The following AKAP13 variants were observed in gnomAD, a reference collection of about 807,000 sequenced individuals.
AKAP13 encodes A-kinase anchor protein 13.
In AKAP13, 80 loss-of-function variants were observed where a neutral mutation model predicts 264.5. The ratio of observed to expected loss-of-function variants is 0.30; its 90% confidence interval spans 0.25 to 0.36. The LOEUF (loss-of-function observed/expected upper bound fraction) is 0.36. Ranked by LOEUF, AKAP13 falls within the 10% of genes least tolerant of loss-of-function variation. AKAP13 has a pLI of 1.00. For synonymous variants in AKAP13, 1,380 were observed against 1,250.2 expected, an observed-to-expected ratio of 1.10 and a Z score of -2.19; for missense variants, 3,712 against 3,435.2, an observed-to-expected ratio of 1.08 and a Z score of -2.01.
rs903274049 is a variant in AKAP13 at position 85,748,605 on chromosome 15, C to T, written c.*3928C>T. 3 of 152,188 alleles carry T rather than the reference C, an allele frequency of 2.0e-5. No homozygotes were observed. Among genetic ancestry groups the T allele is most frequent in the Non-Finnish European group, 4.4e-5 (3 of 68,036 alleles). The allele number at this position is 152,188 out of a possible 1,614,324, so 9.4% of individuals were successfully genotyped here. A position where few individuals can be genotyped will look rare whatever the true frequency, so the allele number is the denominator to read the frequency against. On this transcript the variant is annotated 3_prime_UTR_variant, in exon 37 of 37. Coordinates refer to ENST00000394518, the MANE Select transcript of AKAP13 (RefSeq NM_007200.5). ...GCCTTGGAATCTACTGCCTGCTGGC[C>T]AGGCTTTAAAATGAAAAGTGTTTTA...
chr15:85,600,205 G>A (rs1551970), intron 8 of AKAP13, among the ~76,000 whole-genome samples: 92,696 of 151,682 alleles, frequency 0.61, 28,478 homozygotes, highest in Middle Eastern at 0.73. Context: ...GCCATGATAT[G>A]GCAACAGCTG....
Position 85,727,348 on chromosome 15 carries a change from AT to A in AKAP13, c.7005-27del, listed in dbSNP as rs781220089. The A allele has an allele frequency of 6.2e-7, 1 of 1,613,968 alleles. No homozygotes were observed. The highest frequency in any genetic ancestry group is 1.7e-5 in the Admixed American group (1 of 60,012). On this transcript the variant is annotated intron_variant, in intron 28 of 36. Coordinates refer to ENST00000394518, the MANE Select transcript of AKAP13 (RefSeq NM_007200.5). This position sits in a 1 kb window ranked among gnomAD's most constrained non-coding sequence, Gnocchi z 5.3. ...GACCAGAGTAATTGACATCTTAGGA[AT>A]TTTTTGTTCTGTCTTGTTTGGGTTG...
At chr15:85,618,568 C>G (rs1291347563) in intron 8 of AKAP13, among the ~76,000 whole-genome samples, 4 of 151,912 alleles carry the variant, frequency 2.6e-5, no homozygotes, top group Admixed American at 2.6e-4. Context: ...AAGAGAATGT[C>G]TCAGGTGAGA....
intron 11 of AKAP13, among the ~76,000 whole-genome samples, chr15:85,657,633 T>C (rs952708449): frequency 6.6e-6 from 1 of 152,110 alleles, no homozygotes; most frequent in African/African-American, 2.4e-5. Context: ...ATGCTTTTTC[T>C]GCTAGCTTGT....
chr15:85,537,822 T>C (rs191112667), intron 4 of AKAP13, among the ~76,000 whole-genome samples: 1 of 152,366 alleles, frequency 6.6e-6, no homozygotes, highest in East Asian at 1.9e-4. Context: ...TCATTTTGAA[T>C]GTACCATTTG....
chr15:85,483,223 T>C (rs1216396849), intron 1 of AKAP13, among the ~76,000 whole-genome samples: 3 of 152,210 alleles, frequency 2.0e-5, no homozygotes, highest in Non-Finnish European at 4.4e-5. Context: ...GCTAAGTCAC[T>C]AGTTTGTCTC....
intron 9 of AKAP13, among the ~76,000 whole-genome samples, chr15:85,640,762 A>C (rs1195860557): frequency 6.6e-6 from 1 of 152,186 alleles, no homozygotes; most frequent in African/African-American, 2.4e-5. Flanking sequence ...CCCAAGAGTG[A>C]GACTTTCTGC....
intron 36 of AKAP13, 127 bp from the exon 37 acceptor site, chr15:85,744,501 G>A: frequency 3.0e-6 from 3 of 984,320 alleles, no homozygotes; most frequent in Admixed American, 1.8e-5. Flanking sequence ...CCGGTGCGCA[G>A]AAGAGTTAAT....
intron 12 of AKAP13, among the ~76,000 whole-genome samples, chr15:85,661,843 A>G (rs1197680487): frequency 2.0e-5 from 3 of 151,212 alleles, no homozygotes; most frequent in African/African-American, 7.3e-5. Context: ...TTGACTAAGT[A>G]TCTTATCATG....
intron 35 of AKAP13, among the ~76,000 whole-genome samples, chr15:85,742,181 G>A (rs550022344): frequency 6.6e-6 from 1 of 152,232 alleles, no homozygotes; most frequent in Non-Finnish European, 1.5e-5. Flanking sequence ...GGGCAGTAAT[G>A]GATATTTGGA....
intron 1 of AKAP13, among the ~76,000 whole-genome samples, chr15:85,438,598 T>C (rs2073449875): frequency 6.8e-6 from 1 of 146,488 alleles, no homozygotes; most frequent in Non-Finnish European, 1.5e-5. Context: ...CAAAACAGCA[T>C]GGTACTGGTA....
chr15:85,437,431 A>G (rs1377715945), intron 1 of AKAP13, among the ~76,000 whole-genome samples: 1 of 152,068 alleles, frequency 6.6e-6, no homozygotes, highest in East Asian at 1.9e-4. Context: ...AACTATTCCA[A>G]TCAATAGAAA....
chr15:85,743,751 T>C lies in AKAP13; in HGVS notation c.8318T>C (p.Leu2773Pro). 6.2e-7 allele frequency: 1 copy of C among 1,614,014 alleles called. No individual in the cohort carries two copies. The highest frequency in any genetic ancestry group is 8.5e-7 in the Non-Finnish European group (1 of 1,179,990). ...APASTSASTRLFGLTKPKEKK... is the reference protein window; with the variant it reads ...APASTSASTRPFGLTKPKEKK... The stretch of plus-strand genomic sequence containing the variant: ...GCGTCCACCTCTGCCTCTACCCGCC[T>C]GTTTGGGTTAACAAAGCCAAAGGAA... Residue 2773 changes from leucine to proline, a missense_variant, in exon 36 of 37, where the codon CTG (leucine) becomes CCG (proline). Coordinates refer to ENST00000394518, the MANE Select transcript of AKAP13 (RefSeq NM_007200.5).
Position 85,483,798 on chromosome 15 carries a change from G to A in AKAP13, c.-11-1912G>A, listed in dbSNP as rs1360878888. On this transcript the variant is annotated intron_variant, in intron 1 of 36. Transcript: ENST00000394518. ...TGCGCTCTAGCCTGGGCGACAGAGC[G>A]AGACTCCATCTCAAAAACAAACAAA... 2.6e-5 allele frequency among the ~76,000 whole-genome samples: 4 copies of A among 152,284 alleles called. No individual in the cohort carries two copies. In the East Asian group the frequency reaches 7.7e-4, roughly 29 times the overall value.
At chr15:85,556,367 A>G (rs1368028805) in intron 5 of AKAP13, among the ~76,000 whole-genome samples, 1 of 152,206 alleles carries the variant, frequency 6.6e-6, no homozygotes, top group Non-Finnish European at 1.5e-5. Context: ...TTACAACATT[A>G]TGACAGCCGT....
intron 3 of AKAP13, among the ~76,000 whole-genome samples, chr15:85,526,662 C>G (rs1405496841): frequency 6.6e-6 from 1 of 152,186 alleles, no homozygotes; most frequent in African/African-American, 2.4e-5. Context: ...AAGTTGTAGA[C>G]TTTTAATTTA....
At chr15:85,645,272 T>A (rs868028083) in intron 9 of AKAP13, among the ~76,000 whole-genome samples, 27 of 152,352 alleles carry the variant, frequency 1.8e-4, no homozygotes, top group Admixed American at 1.3e-4. Context: ...CTGTTCTAGT[T>A]ATTGAACCGA....
Position 85,581,600 on chromosome 15 carries a change from C to A in AKAP13, c.3532C>A (p.Gln1178Lys), listed in dbSNP as rs74908260. The A allele has an allele frequency of 2.5e-6, 4 of 1,614,044 alleles. No homozygotes were observed. Among genetic ancestry groups the A allele is most frequent in the Non-Finnish European group, 3.4e-6 (4 of 1,179,998 alleles). ...TACCATGGGTGACGCTGAGGAAGCC[C>A]AAATAGACGATGAAGCACATCCTGT... is the stretch of plus-strand genomic sequence containing the variant. ...SCTMGDAEEAQIDDEAHPVLL... is the reference protein window; with the variant it reads ...SCTMGDAEEAKIDDEAHPVLL... Residue 1178 changes from glutamine (Q) to lysine (K), a missense_variant, in exon 7 of 37, where the codon CAA becomes AAA. By Grantham distance (53) the Gln-to-Lys change is moderately conservative (BLOSUM62 1). This residue lies in a region of AKAP13 where 2,759 missense variants were observed against 2,411.7 expected (regional missense o/e 1.14). Coordinates refer to ENST00000394518, the MANE Select transcript of AKAP13 (RefSeq NM_007200.5).
intron 3 of AKAP13, among the ~76,000 whole-genome samples, chr15:85,529,662 C>T (rs1203903738): frequency 1.3e-5 from 2 of 152,162 alleles, no homozygotes; most frequent in Non-Finnish European, 2.9e-5. Context: ...ATCTTGAGAG[C>T]CACTTGAACC....
Sources: allele counts gnomAD v4.1 joint callset (sites outside exome capture counted in the v4.1 genomes callset), GRCh38; gene constraint gnomAD v4.1.1; regional missense constraint gnomAD v4.1.1; non-coding constraint Gnocchi (gnomAD v3.1); transcripts MANE v1.5; gene names NCBI Gene and HGNC (gene_info 2026-07-23, HGNC 2026-07-21).